Variants in DACH2 observed in about 807,000 individuals in gnomAD.
DACH2 encodes dachshund family transcription factor 2.
DACH2 carries 17 observed loss-of-function variants against 35.8 expected under a neutral mutation model. The observed-to-expected ratio is 0.48, with a 90% CI of 0.33 to 0.71. The LOEUF is 0.71. Ranked by LOEUF, DACH2 falls within the 30% of genes least tolerant of loss-of-function variation. DACH2 has a pLI of 0.02. For missense variants in DACH2, 469 were observed against 472.7 expected, an observed-to-expected ratio of 0.99 and a Z score of 0.07; for synonymous variants, 195 against 177.3, an observed-to-expected ratio of 1.10 and a Z score of -0.79.
chrX:86,787,691 T>C (rs756450950), intron 7 of DACH2, among the ~76,000 whole-genome samples: 1 of 109,794 alleles, frequency 9.1e-6, no homozygotes, highest in African/African-American at 3.3e-5. Context: ...GTAGATGCAC[T>C]GGCCAGAATG....
chrX:86,594,758 G>C (rs1259826924), intron 3 of DACH2, among the ~76,000 whole-genome samples: 2 of 111,374 alleles, frequency 1.8e-5, no homozygotes, highest in Non-Finnish European at 3.8e-5. Context: ...TGCTGTTATT[G>C]GATGAAAAAT....
intron 3 of DACH2, among the ~76,000 whole-genome samples, chrX:86,612,920 T>C (rs1272311993): frequency 8.9e-6 from 1 of 112,444 alleles, no homozygotes; most frequent in Non-Finnish European, 1.9e-5. Flanking sequence ...AGATCATATT[T>C]AACCTATTGT....
At chrX:86,544,652 A>G (rs1022038804) in intron 3 of DACH2, among the ~76,000 whole-genome samples, 10 of 111,444 alleles carry the variant, frequency 9.0e-5, no homozygotes, top group Non-Finnish European at 1.3e-4. Flanking sequence ...AGTGCTAAAC[A>G]TGGAAAGGAA....
chrX:86,358,028 G>C (rs2035670707), intron 1 of DACH2, among the ~76,000 whole-genome samples: 1 of 111,087 alleles, frequency 9.0e-6, no homozygotes, highest in African/African-American at 3.3e-5. Flanking sequence ...CTACATTTTT[G>C]GATTGCTCTC....
intron 5 of DACH2, among the ~76,000 whole-genome samples, chrX:86,704,770 G>A (rs1029711129): frequency 9.0e-6 from 1 of 110,840 alleles, no homozygotes; most frequent in Non-Finnish European, 1.9e-5. Context: ...TGGATGCAGT[G>A]AAAAGGGAAC....
chrX:86,656,931 G>C (rs1350623777), intron 4 of DACH2, among the ~76,000 whole-genome samples: 2 of 99,053 alleles, frequency 2.0e-5, no homozygotes, highest in Non-Finnish European at 4.0e-5. Context: ...ACAAGATCCT[G>C]TCATTTGCAA....
intron 7 of DACH2, among the ~76,000 whole-genome samples, chrX:86,796,796 T>C (rs1462871426): frequency 1.8e-5 from 2 of 111,849 alleles, no homozygotes; most frequent in Non-Finnish European, 3.8e-5. Flanking sequence ...AGAAGTATCA[T>C]TGGCTCTGAG....
chrX:86,365,725 C>T (rs1427043858), intron 1 of DACH2, among the ~76,000 whole-genome samples: 2 of 111,207 alleles, frequency 1.8e-5, no homozygotes, highest in African/African-American at 6.5e-5. Context: ...TTTAAACAAA[C>T]ACATGTCTTC....
intron 2 of DACH2, among the ~76,000 whole-genome samples, chrX:86,450,176 G>A (rs756877027): frequency 9.0e-6 from 1 of 110,562 alleles, no homozygotes. Context: ...CATCGCCTAG[G>A]TATTAAGCCT....
chrX:86,640,194 C>A (rs373307530), intron 3 of DACH2, among the ~76,000 whole-genome samples: 26 of 111,159 alleles, frequency 2.3e-4, no homozygotes, highest in East Asian at 2.3e-3. Context: ...AGCCACCCCC[C>A]GCCAGAGCTG....
At chrX:86,737,369 A>T (rs945784530) in intron 6 of DACH2, among the ~76,000 whole-genome samples, 7 of 111,929 alleles carry the variant, frequency 6.3e-5, no homozygotes, top group African/African-American at 2.3e-4. Context: ...TGGAGGCATG[A>T]CAACAGCTAT....
At chrX:86,279,376 CCACTGGT>C (rs1268262580) in intron 1 of DACH2, among the ~76,000 whole-genome samples, 1 of 111,963 alleles carries the variant, frequency 8.9e-6, no homozygotes, top group Non-Finnish European at 1.9e-5. Context: ...TCTGCAGCCA[CCACTGGT>C]AATACCCAGG....
At chrX:86,332,951 C>G (rs1238790804) in intron 1 of DACH2, among the ~76,000 whole-genome samples, 1 of 111,810 alleles carries the variant, frequency 8.9e-6, no homozygotes, top group African/African-American at 3.2e-5. Flanking sequence ...TTTAATCAAG[C>G]TTTCAGTAAT....
chrX:86,356,397 G>GTT (rs200586983), intron 1 of DACH2, among the ~76,000 whole-genome samples: 4 of 109,945 alleles, frequency 3.6e-5, no homozygotes, highest in African/African-American at 1.0e-4. Context: ...CTATGTGTCT[G>GTT]TTTTTTTTAG....
chrX:86,692,062 C>T (rs1234035204), intron 4 of DACH2, among the ~76,000 whole-genome samples: 1 of 111,101 alleles, frequency 9.0e-6, no homozygotes, highest in Admixed American at 9.6e-5. Context: ...GGTCAAAAGA[C>T]AAAAATGTGT....
At chrX:86,324,054 G>A (rs1327872128) in intron 1 of DACH2, among the ~76,000 whole-genome samples, 1 of 111,983 alleles carries the variant, frequency 8.9e-6, no homozygotes, top group Non-Finnish European at 1.9e-5. Context: ...ATTGTCTGGG[G>A]TAAATCTTCC....
intron 3 of DACH2, among the ~76,000 whole-genome samples, chrX:86,517,541 C>G (rs188020482): frequency 0.063 from 6,877 of 108,470 alleles, 610 homozygotes; most frequent in African/African-American, 0.22. Flanking sequence ...CTCAGCCTCC[C>G]GAGTAGCTGG....
chrX:86,302,824 A>T (rs1054913174), intron 1 of DACH2, among the ~76,000 whole-genome samples: 1 of 110,322 alleles, frequency 9.1e-6, no homozygotes, highest in Admixed American at 9.9e-5. Context: ...AAAGATTCTT[A>T]GGAATTCATT....
intron 4 of DACH2, among the ~76,000 whole-genome samples, chrX:86,685,983 A>C (rs998624973): frequency 2.7e-5 from 3 of 111,575 alleles, no homozygotes; most frequent in African/African-American, 9.8e-5. Context: ...AAGTGACTTG[A>C]TAATATGTTT....
Sources: gnomAD v4.1 joint callset for allele counts (sites outside exome capture counted in the v4.1 genomes callset) on GRCh38, gnomAD v4.1.1 for gene constraint, MANE v1.5 for transcripts, NCBI Gene and HGNC (gene_info 2026-07-23, HGNC 2026-07-21) for gene names.